Variants in ARHGAP29 observed in about 807,000 individuals in gnomAD.
ARHGAP29 encodes Rho GTPase activating protein 29.
A neutral mutation model predicts 122.6 loss-of-function variants in ARHGAP29; 43 were observed. That is an observed-to-expected ratio of 0.35 (90% confidence interval 0.27 to 0.45). The LOEUF (loss-of-function observed/expected upper bound fraction) is 0.45. Among genes scored for constraint, ARHGAP29 ranks in the 20% least tolerant of loss-of-function variants. The pLI is 1.00. For synonymous variants in ARHGAP29, 506 were observed against 497.1 expected (o/e 1.02, Z -0.24); for missense variants, 1,303 against 1,477.2 (o/e 0.88, Z 1.93).
intron 5 of ARHGAP29, among the ~76,000 whole-genome samples, chr1:94,206,668 G>T (rs912458581): frequency 6.6e-6 from 1 of 151,950 alleles, no homozygotes; most frequent in African/African-American, 2.4e-5. Flanking sequence ...AGACTGAGGC[G>T]GACGGATCAC....
At chr1:94,243,909 A>G (rs1288074395) in intron 1 of ARHGAP29, among the ~76,000 whole-genome samples, 1 of 32,198 alleles carries the variant, frequency 3.1e-5, no homozygotes, top group Non-Finnish European at 9.5e-5. Context: ...AAACTTTGCC[A>G]ATAAACTTAA....
chr1:94,261,579 CA>C (rs1654557174), intron 1 of ARHGAP29, among the ~76,000 whole-genome samples: 1 of 152,156 alleles, frequency 6.6e-6, no homozygotes, highest in Non-Finnish European at 1.5e-5. Context: ...AATCAACATA[CA>C]AAAATTACTA....
At chr1:94,288,400 C>CT in the ARHGAP29 span, among the ~76,000 whole-genome samples, 1 of 152,080 alleles carries the variant, frequency 6.6e-6, no homozygotes, top group Non-Finnish European at 1.5e-5. Flanking sequence ...GATATTAGCC[C>CT]TTTGTCAGAT....
At chr1:94,313,411 T>C in the ARHGAP29 span, among the ~76,000 whole-genome samples, 3 of 152,188 alleles carry the variant, frequency 2.0e-5, no homozygotes, top group African/African-American at 7.2e-5. Context: ...ATTAACCCTA[T>C]TATTGTTTAA....
the ARHGAP29 span, among the ~76,000 whole-genome samples, chr1:94,304,335 G>A: frequency 6.6e-6 from 1 of 152,078 alleles, no homozygotes; most frequent in Non-Finnish European, 1.5e-5. Flanking sequence ...AAATGGAATC[G>A]CACTATGTGG....
At chr1:94,252,229 GAGCC>G (rs765672335) in intron 1 of ARHGAP29, among the ~76,000 whole-genome samples, 8 of 152,148 alleles carry the variant, frequency 5.3e-5, no homozygotes, top group Non-Finnish European at 1.2e-4. Context: ...TTATCTGAAA[GAGCC>G]ATAAGTAACT....
In ARHGAP29 at chr1:94,184,219, G is replaced by A. The variant is rs761627797; in HGVS notation, c.2179C>T (p.His727Tyr). The change falls in exon 19 of 23, where the codon CAC becomes TAC. Residue 727 changes from histidine to tyrosine, a missense_variant. By Grantham distance (83) the His-to-Tyr change is moderately conservative. Coordinates refer to ENST00000260526, the MANE Select transcript of ARHGAP29 (RefSeq NM_004815.4). Reference sequence around the variant, plus strand: ...CTAAATTCTGAAATATCTACCAAGTGCATTCCATTTTCCAAAGCTTGACAC... The same window carrying A: ...CTAAATTCTGAAATATCTACCAAGTACATTCCATTTTCCAAAGCTTGACAC... ...KLCQALENGMHLVDISEFSSH... is the reference protein window; with the variant it reads ...KLCQALENGMYLVDISEFSSH... The A allele has an allele frequency of 6.2e-7, 1 of 1,611,846 alleles. No homozygotes were observed. The highest frequency in any genetic ancestry group is 1.7e-5 in the Admixed American group (1 of 59,854).
chr1:94,220,441 A>G, intron 2 of ARHGAP29, 49 bp from the exon 3 acceptor site: 2 of 1,476,234 alleles, frequency 1.4e-6, no homozygotes, highest in Non-Finnish European at 1.8e-6. Context: ...AGTTCCACAA[A>G]TCTAAACTAC....
At chr1:94,253,125 C>A (rs1654165661) in intron 1 of ARHGAP29, among the ~76,000 whole-genome samples, 1 of 152,102 alleles carries the variant, frequency 6.6e-6, no homozygotes, top group Non-Finnish European at 1.5e-5. Flanking sequence ...TGCATGCCAC[C>A]ACAGCCGGCT....
intron 2 of ARHGAP29, among the ~76,000 whole-genome samples, chr1:94,229,646 C>A (rs139687781): frequency 2.0e-5 from 3 of 151,536 alleles, no homozygotes; most frequent in Non-Finnish European, 4.4e-5. Context: ...TGATAATGTC[C>A]TTATGAATTT....
intron 12 of ARHGAP29, among the ~76,000 whole-genome samples, chr1:94,201,100 T>C (rs1650813142): frequency 6.6e-6 from 1 of 151,532 alleles, no homozygotes. Context: ...TCCAAATAAT[T>C]TGGTTCAATT....
At chr1:94,267,464 T>G (rs1654815919) in intron 1 of ARHGAP29, among the ~76,000 whole-genome samples, 1 of 152,226 alleles carries the variant, frequency 6.6e-6, no homozygotes, top group African/African-American at 2.4e-5. Flanking sequence ...TTCTCATTCA[T>G]AAAATGAGTA....
chr1:94,234,221 T>C (rs1360309872), intron 1 of ARHGAP29, among the ~76,000 whole-genome samples: 8 of 152,258 alleles, frequency 5.3e-5, no homozygotes, highest in Non-Finnish European at 8.8e-5. Context: ...GCTAACCATG[T>C]GTTCTCTGAT....
the ARHGAP29 span, among the ~76,000 whole-genome samples, chr1:94,298,952 G>A: frequency 6.6e-6 from 1 of 152,194 alleles, no homozygotes; most frequent in South Asian, 2.1e-4. Flanking sequence ...TGCATTGGGT[G>A]GAGGCCCTGG....
chr1:94,202,851 CA>C, intron 10 of ARHGAP29, 66 bp downstream of exon 10: 1 of 1,536,112 alleles, frequency 6.5e-7, no homozygotes, highest in Non-Finnish European at 8.8e-7. Context: ...CAAGGAAGGT[CA>C]GTATATACTG....
At chr1:94,256,854 G>A (rs1271115199) in intron 1 of ARHGAP29, among the ~76,000 whole-genome samples, 1 of 151,814 alleles carries the variant, frequency 6.6e-6, no homozygotes, top group African/African-American at 2.4e-5. Flanking sequence ...CACCGCGCCT[G>A]CCCAACAGTA....
intron 2 of ARHGAP29, among the ~76,000 whole-genome samples, chr1:94,222,358 C>T (rs149206577): frequency 6.6e-6 from 1 of 152,274 alleles, no homozygotes; most frequent in Admixed American, 6.5e-5. Flanking sequence ...AGTGGAGAAA[C>T]TTGACAAACA....
chr1:94,211,100 C>T (rs1651573702), intron 3 of ARHGAP29, among the ~76,000 whole-genome samples: 2 of 151,620 alleles, frequency 1.3e-5, no homozygotes, highest in African/African-American at 4.8e-5. Context: ...GCCTGGGCAA[C>T]ATGGCGAAAC....
intron 3 of ARHGAP29, among the ~76,000 whole-genome samples, chr1:94,215,104 G>GAAAAAAAAAAAAAA (rs199693229): frequency 1.2e-5 from 1 of 83,652 alleles, no homozygotes; most frequent in African/African-American, 3.8e-5. Context: ...GCATGAAAAG[G>GAAAAAAAAAAAAAA]AAAAAAAAAA....
Sources: allele counts gnomAD v4.1 joint callset (sites outside exome capture counted in the v4.1 genomes callset), GRCh38; gene constraint gnomAD v4.1.1; transcripts MANE v1.5; gene names NCBI Gene and HGNC (gene_info 2026-07-23, HGNC 2026-07-21).